The following GLIPR2 variants were observed in gnomAD, a reference collection of about 807,000 sequenced individuals.
GLIPR2 encodes Golgi-associated plant pathogenesis-related protein 1.
In GLIPR2, 21 loss-of-function variants were observed where a neutral mutation model predicts 20.4. That is an observed-to-expected ratio of 1.03 (90% CI 0.73 to 1.48). GLIPR2 has a LOEUF of 1.48. Ranked by LOEUF, GLIPR2 falls within the 40% of genes most tolerant of loss-of-function variation. The probability of loss-of-function intolerance (pLI) is 0.00; values close to 1 mark genes in which losing one functional copy is unlikely to be tolerated. For synonymous variants in GLIPR2, 91 were observed against 80.5 expected (o/e 1.13, Z -0.70); for missense variants, 205 against 200.1 (o/e 1.02, Z -0.15).
chr9:36,147,370 T>C (rs965475899), intron 1 of GLIPR2, among the ~76,000 whole-genome samples: 21 of 152,166 alleles, frequency 1.4e-4, no homozygotes, highest in Non-Finnish European at 2.9e-5. Context: ...CCTTCAGATA[T>C]TTTACTTCCA....
At chr9:36,142,589 T>C (rs1341923267) in intron 1 of GLIPR2, among the ~76,000 whole-genome samples, 2 of 152,192 alleles carry the variant, frequency 1.3e-5, no homozygotes, top group Non-Finnish European at 1.5e-5. Context: ...GTGTGGACTT[T>C]CCAGCCTCAG....
At chr9:36,148,936 T>C (rs1001917874) in intron 3 of GLIPR2, among the ~76,000 whole-genome samples, 5 of 151,922 alleles carry the variant, frequency 3.3e-5, no homozygotes, top group Non-Finnish European at 7.4e-5. Flanking sequence ...GGAGTGGGGG[T>C]TGGGGAGACA....
In GLIPR2 at chr9:36,162,775, A is replaced by G. The variant is rs1587167268; in HGVS notation, c.*253A>G. On this transcript the variant is annotated 3_prime_UTR_variant, in exon 5 of 5. Coordinates refer to ENST00000377960, the MANE Select transcript of GLIPR2 (RefSeq NM_022343.4). ...ATTATTTGGATTGGGGGGAGGGGGG[A>G]TCCGTTTTTTTTTTTTAATTTTTTG... 1.9e-6 allele frequency: 1 copy of G among 539,940 alleles called. No individual in the cohort carries two copies. Among genetic ancestry groups the G allele is most frequent in the Non-Finnish European group, 3.3e-6 (1 of 303,274 alleles). The allele number at this position is 539,940 out of a possible 1,614,324, so 33.4% of individuals were successfully genotyped here. A position where few individuals can be genotyped will look rare whatever the true frequency, so the allele number is the denominator to read the frequency against.
intron 4 of GLIPR2, among the ~76,000 whole-genome samples, chr9:36,154,091 A>T (rs1825721468): frequency 8.2e-6 from 1 of 122,316 alleles, no homozygotes; most frequent in African/African-American, 3.1e-5. Context: ...TATTATATAT[A>T]TATATCTTTT....
intron 4 of GLIPR2, among the ~76,000 whole-genome samples, chr9:36,155,216 A>G (rs1254719019): frequency 6.6e-6 from 1 of 152,218 alleles, no homozygotes; most frequent in African/African-American, 2.4e-5. Context: ...ATTCGTTTTT[A>G]TATTTGATTA....
In GLIPR2 at chr9:36,141,695, G is replaced by A. The variant is rs573545862; in HGVS notation, c.13+4904G>A. On this transcript the variant is annotated intron_variant, in intron 1 of 4. Coordinates refer to ENST00000377960, the MANE Select transcript of GLIPR2 (RefSeq NM_022343.4). ...TTGAGTCAAGGTCTTGCTCTGTCAC[G>A]CAGGCTGGAGTGCAGTGGTGCGATC... The A allele has an allele frequency of 2.1e-5, 8 of 381,310 alleles. No individual in the cohort carries two copies. The East Asian group carries it at 2.2e-4, about 11-fold the overall frequency. 23.6% of individuals were successfully genotyped at this position (381,310 alleles called of 1,614,324 possible). A position where few individuals can be genotyped will look rare whatever the true frequency, so the allele number is the denominator to read the frequency against.
intron 4 of GLIPR2, among the ~76,000 whole-genome samples, chr9:36,157,816 G>GT (rs1400373044): frequency 1.4e-5 from 2 of 141,296 alleles, no homozygotes; most frequent in Admixed American, 7.0e-5. Flanking sequence ...TTTTTTTTTT[G>GT]TTTTTTGTTT....
At chr9:36,149,514 C>G (rs1254895523) in intron 3 of GLIPR2, among the ~76,000 whole-genome samples, 2 of 152,250 alleles carry the variant, frequency 1.3e-5, no homozygotes, top group Non-Finnish European at 2.9e-5. Context: ...GGCTCCTTCC[C>G]AAGTCCAGGC....
intron 1 of GLIPR2, among the ~76,000 whole-genome samples, chr9:36,139,251 G>T (rs1824965371): frequency 6.6e-6 from 1 of 152,042 alleles, no homozygotes; most frequent in Non-Finnish European, 1.5e-5. Flanking sequence ...CAGGAGAGGA[G>T]GGGGCCAGTG....
chr9:36,148,697 A>G (rs1208786834), intron 3 of GLIPR2, 47 bp downstream of exon 3: 1 of 1,310,508 alleles, frequency 7.6e-7, no homozygotes, highest in East Asian at 2.4e-5. Context: ...AGCTGGAAGA[A>G]GGACAAGTCC....
chr9:36,148,732 C>A, intron 3 of GLIPR2, 82 bp downstream of exon 3: 1 of 886,832 alleles, frequency 1.1e-6, no homozygotes, highest in East Asian at 2.6e-5. Context: ...CTGGCCCCAG[C>A]ACCCTCGTGG....
intron 1 of GLIPR2, among the ~76,000 whole-genome samples, chr9:36,138,777 C>T (rs1450823202): frequency 1.3e-5 from 2 of 152,126 alleles, no homozygotes; most frequent in Non-Finnish European, 1.5e-5. Flanking sequence ...TGATCCAAAC[C>T]ACAAGACAGG....
chr9:36,151,626 A>G (rs1331929741), intron 4 of GLIPR2, among the ~76,000 whole-genome samples: 1 of 152,040 alleles, frequency 6.6e-6, no homozygotes, highest in Non-Finnish European at 1.5e-5. Context: ...GGTGGCTTCT[A>G]AGGGATATCC....
chr9:36,144,390 C>G (rs966441439), intron 1 of GLIPR2: 1 of 152,228 alleles, frequency 6.6e-6, no homozygotes, highest in Non-Finnish European at 1.5e-5. Flanking sequence ...CAGAGCTCCA[C>G]AACTTTTTCA....
At chr9:36,138,252 TCTC>T (rs1299269333) in intron 1 of GLIPR2, among the ~76,000 whole-genome samples, 1 of 151,918 alleles carries the variant, frequency 6.6e-6, no homozygotes, top group Non-Finnish European at 1.5e-5. Flanking sequence ...TGAGACGTGG[TCTC>T]CTTCTGTTGC....
intron 2 of GLIPR2, 136 bp from the exon 3 acceptor site, chr9:36,148,411 T>C: frequency 1.6e-6 from 1 of 621,888 alleles, no homozygotes; most frequent in Non-Finnish European, 2.9e-6. Context: ...GCTGGGAGGC[T>C]CAGAAATCAT....
intron 4 of GLIPR2, 76 bp from the exon 5 acceptor site, chr9:36,162,286 A>G: frequency 1.9e-6 from 3 of 1,601,688 alleles, no homozygotes; most frequent in Non-Finnish European, 2.6e-6. Flanking sequence ...CAGGGGTTCA[A>G]CAATCCCCTG....
chr9:36,158,881 A>G (rs1178075555), intron 4 of GLIPR2, among the ~76,000 whole-genome samples: 4 of 152,186 alleles, frequency 2.6e-5, no homozygotes, highest in African/African-American at 4.8e-5. Flanking sequence ...CCTGGCCAAC[A>G]TGGTGAAACC....
intron 1 of GLIPR2, among the ~76,000 whole-genome samples, chr9:36,142,652 G>A (rs1825140011): frequency 6.6e-6 from 1 of 152,044 alleles, no homozygotes; most frequent in Admixed American, 6.5e-5. Flanking sequence ...CCATCGTAGG[G>A]TGGCTGGGAG....
Sources: gnomAD v4.1 joint callset for allele counts (sites outside exome capture counted in the v4.1 genomes callset) on GRCh38, gnomAD v4.1.1 for gene constraint, MANE v1.5 for transcripts, NCBI Gene and HGNC (gene_info 2026-07-23, HGNC 2026-07-21) for gene names.